The following KCND3 variants were observed in gnomAD, a reference collection of about 807,000 sequenced individuals.
KCND3 encodes the protein potassium voltage-gated channel subfamily D member 3.
A neutral mutation model predicts 51.1 loss-of-function variants in KCND3; 9 were observed. The observed-to-expected ratio is 0.18, with a 90% CI of 0.11 to 0.31. The LOEUF (loss-of-function observed/expected upper bound fraction) is 0.31, where lower values mean the gene tolerates loss of function less well. KCND3 is among the 10% of genes least tolerant of loss of function. KCND3 has a pLI of 1.00. For missense variants in KCND3, 526 were observed against 903.8 expected (o/e 0.58, Z 5.36); for synonymous variants, 349 against 368.0 (o/e 0.95, Z 0.59).
In KCND3 at chr1:111,872,683, C is replaced by T. The variant is rs558997071; in HGVS notation, c.1107-85577G>A. On this transcript the variant is annotated intron_variant, in intron 2 of 7. Coordinates refer to ENST00000302127, the MANE Select transcript of KCND3 (RefSeq NM_001378969.1). Reference sequence around the variant, plus strand: ...AAATGGGAAACAAGGAATCTTAGTGCCAGACAATAAATGAACAACACATTT... The same window carrying T: ...AAATGGGAAACAAGGAATCTTAGTGTCAGACAATAAATGAACAACACATTT... Among the ~76,000 whole-genome samples the T allele has an allele frequency of 4.6e-5, 7 of 152,128 alleles. No individual in the cohort carries two copies. The South Asian group carries it at 1.2e-3, about 27-fold the overall frequency.
chr1:111,860,417 T>C (rs899560679), intron 2 of KCND3, among the ~76,000 whole-genome samples: 15 of 152,160 alleles, frequency 9.9e-5, no homozygotes, highest in African/African-American at 3.4e-4. Flanking sequence ...TAACAAAAAC[T>C]GGGTTGCTGA....
chr1:111,925,630 G>C (rs1291094322), intron 2 of KCND3, among the ~76,000 whole-genome samples: 1 of 152,166 alleles, frequency 6.6e-6, no homozygotes, highest in East Asian at 1.9e-4. Flanking sequence ...CCTTCAAGGA[G>C]GTAAAGATGG....
chr1:111,867,115 C>T (rs568330231), intron 2 of KCND3, among the ~76,000 whole-genome samples: 118 of 152,314 alleles, frequency 7.7e-4, no homozygotes, highest in Non-Finnish European at 1.2e-3. Context: ...GCAGTAGTCG[C>T]TAATGAGTTG....
rs929299094 is a variant in KCND3, at chr1:111,982,858, A to G, written c.-72-60T>C. 7 of 1,278,608 alleles carry G rather than the reference A, an allele frequency of 5.5e-6. No homozygotes were observed. The highest frequency in any genetic ancestry group is 2.6e-4 in the Middle Eastern group (1 of 3,896). The allele number at this position is 1,278,608 out of a possible 1,614,324, so 79.2% of individuals were successfully genotyped here. A position where few individuals can be genotyped will look rare whatever the true frequency, so the allele number is the denominator to read the frequency against. Reference sequence around the variant, plus strand: ...GTCCATATCGACTGGCAGGTAAGAAATGGGACACAGGAAAGGATCACTGGT... The same window carrying G: ...GTCCATATCGACTGGCAGGTAAGAAGTGGGACACAGGAAAGGATCACTGGT... On this transcript the variant is annotated intron_variant, in intron 1 of 7. Coordinates refer to ENST00000302127, the MANE Select transcript of KCND3 (RefSeq NM_001378969.1). This position sits in a 1 kb window ranked among gnomAD's most constrained non-coding sequence, Gnocchi z 8.5.
chr1:111,942,042 T>C (rs565680770), intron 2 of KCND3, among the ~76,000 whole-genome samples: 4 of 152,132 alleles, frequency 2.6e-5, no homozygotes, highest in African/African-American at 9.6e-5. Flanking sequence ...ACTTGGAGTA[T>C]AAGAGAAAAA....
intron 2 of KCND3, among the ~76,000 whole-genome samples, chr1:111,917,574 A>G (rs1671283055): frequency 6.6e-6 from 1 of 152,208 alleles, no homozygotes; most frequent in Non-Finnish European, 1.5e-5. Flanking sequence ...GCTCATGCCC[A>G]TGTAGGAATC....
chr1:111,906,829 CA>C (rs1466296180), intron 2 of KCND3, among the ~76,000 whole-genome samples: 4 of 152,218 alleles, frequency 2.6e-5, no homozygotes, highest in African/African-American at 9.7e-5. Context: ...ACTAGGGAAA[CA>C]GCTGCCCACT....
At chr1:111,957,395 G>A (rs1441092370) in intron 2 of KCND3, among the ~76,000 whole-genome samples, 5 of 152,224 alleles carry the variant, frequency 3.3e-5, no homozygotes, top group African/African-American at 1.2e-4. Context: ...CTTCCCTTAA[G>A]TTGCCAGGCT....
intron 2 of KCND3, among the ~76,000 whole-genome samples, chr1:111,949,611 A>C (rs1490226610): frequency 6.6e-6 from 1 of 152,102 alleles, no homozygotes; most frequent in Non-Finnish European, 1.5e-5. Context: ...TTAAAAAATG[A>C]ATTTTCTGTT....
Position 111,773,445 on chromosome 1 carries a change from G to T in KCND3, c.*2632C>A. The stretch of plus-strand genomic sequence containing the variant: ...CTTTTCTTTTTTTTTTTTTTGAGAC[G>T]GAGTCTTGCTGTGTCACCTGGGCTG... On this transcript the variant is annotated 3_prime_UTR_variant, in exon 8 of 8. Coordinates refer to ENST00000302127, the MANE Select transcript of KCND3 (RefSeq NM_001378969.1). The T allele has an allele frequency of 9.0e-6, 1 of 111,674 alleles. No individual in the cohort carries two copies. Among genetic ancestry groups the T allele is most frequent in the African/African-American group, 3.7e-5 (1 of 27,118 alleles). The allele number at this position is 111,674 out of a possible 1,614,324, so 6.9% of individuals were successfully genotyped here.
Position 111,777,194 on chromosome 1 carries a change from C to T in KCND3, c.1598G>A (p.Ser533Asn), listed in dbSNP as rs557496343. 11 of 1,614,064 alleles carry T rather than the reference C, an allele frequency of 6.8e-6. No homozygotes were observed. The highest frequency in any genetic ancestry group is 9.3e-6 in the Non-Finnish European group (11 of 1,180,042). Reference protein sequence around the residue: ...SSMQNYPSTRSPSLSSHPGLT... With the variant: ...SSMQNYPSTRNPSLSSHPGLT... ...GCCTGGGTGGCTGGACAGTGAGGGA[C>T]TTCTTGTGGATGGGTAGTTCTGCAT... is the stretch of plus-strand genomic sequence containing the variant. The change falls in exon 7 of 8, where the codon AGT becomes AAT. Residue 533 changes from serine to asparagine, a missense_variant. By Grantham distance (46) the Ser-to-Asn change is conservative. This residue lies in a region of KCND3 where 266 missense variants were observed against 305.5 expected (regional missense o/e 0.87). Transcript: ENST00000302127.
intron 2 of KCND3, among the ~76,000 whole-genome samples, chr1:111,959,862 C>T (rs1464010125): frequency 1.3e-5 from 2 of 152,034 alleles, no homozygotes; most frequent in African/African-American, 2.4e-5. Flanking sequence ...TTGTAGTTCC[C>T]GTAATCCCCA....
chr1:111,958,467 T>C (rs554750787), intron 2 of KCND3, among the ~76,000 whole-genome samples: 1 of 152,320 alleles, frequency 6.6e-6, no homozygotes, highest in South Asian at 2.1e-4. Context: ...CTTCACTTAG[T>C]TCTCTGATGT....
chr1:111,845,526 C>A (rs1437543372), intron 2 of KCND3, among the ~76,000 whole-genome samples: 1 of 151,996 alleles, frequency 6.6e-6, no homozygotes, highest in African/African-American at 2.4e-5. Context: ...CTCCCCATCA[C>A]CCTCCCGCCC....
intron 1 of KCND3, among the ~76,000 whole-genome samples, chr1:111,984,101 C>G (rs866239779): frequency 1.3e-5 from 2 of 152,200 alleles, no homozygotes; most frequent in African/African-American, 4.8e-5. Flanking sequence ...TATTTGGGCC[C>G]TCTGGAATTC....
At chr1:111,841,112 T>C (rs1437195291) in intron 2 of KCND3, among the ~76,000 whole-genome samples, 1 of 152,220 alleles carries the variant, frequency 6.6e-6, no homozygotes, top group Non-Finnish European at 1.5e-5. Flanking sequence ...CTTCTGCTTT[T>C]AGCAGAATAC....
chr1:111,844,223 T>C (rs750578437), intron 2 of KCND3, among the ~76,000 whole-genome samples: 2 of 152,304 alleles, frequency 1.3e-5, no homozygotes, highest in East Asian at 1.9e-4. Flanking sequence ...GGACACCAGC[T>C]CTGCCTTCAA....
chr1:111,819,131 GACC>G (rs1385712246), intron 2 of KCND3, among the ~76,000 whole-genome samples: 2 of 152,110 alleles, frequency 1.3e-5, no homozygotes, highest in African/African-American at 2.4e-5. Flanking sequence ...CCCCATGTGT[GACC>G]ACAAGTGTGC....
intron 2 of KCND3, among the ~76,000 whole-genome samples, chr1:111,915,598 A>G (rs1671163125): frequency 6.6e-6 from 1 of 151,938 alleles, no homozygotes; most frequent in African/African-American, 2.4e-5. Flanking sequence ...TAAGAAATAC[A>G]AAAAATCAGC....
Sources: gnomAD v4.1 joint callset for allele counts (sites outside exome capture counted in the v4.1 genomes callset) on GRCh38, gnomAD v4.1.1 for gene constraint, gnomAD v4.1.1 regional missense constraint, Gnocchi (gnomAD v3.1) non-coding constraint, MANE v1.5 for transcripts, NCBI Gene and HGNC (gene_info 2026-07-23, HGNC 2026-07-21) for gene names.